LRMDA: variants seen among roughly 807,000 people sequenced by gnomAD.
LRMDA encodes leucine rich melanocyte differentiation associated.
LRMDA carries 18 observed loss-of-function variants against 29.8 expected under a neutral mutation model. That is an observed-to-expected ratio of 0.60 (90% CI 0.42 to 0.90). The LOEUF (loss-of-function observed/expected upper bound fraction) is 0.90, where lower values mean the gene tolerates loss of function less well. Ranked by LOEUF, LRMDA falls within the 40% of genes least tolerant of loss-of-function variation. The pLI is 0.00. For synonymous variants in LRMDA, 125 were observed against 109.4 expected (o/e 1.14, Z -0.89); for missense variants, 273 against 273.9 (o/e 1.00, Z 0.02).
chr10:76,446,713 C>G (rs1452913068), intron 6 of LRMDA, among the ~76,000 whole-genome samples: 1 of 152,088 alleles, frequency 6.6e-6, no homozygotes, highest in Non-Finnish European at 1.5e-5. Context: ...CTCACAGATC[C>G]AGGTTTTCAT....
intron 5 of LRMDA, among the ~76,000 whole-genome samples, chr10:76,288,933 A>G (rs1840305664): frequency 2.6e-5 from 4 of 152,226 alleles, no homozygotes. Context: ...TTATGTTACA[A>G]GAACAGTTTC....
chr10:75,583,394 C>T (rs1384054628), intron 2 of LRMDA, among the ~76,000 whole-genome samples: 2 of 152,130 alleles, frequency 1.3e-5, no homozygotes, highest in South Asian at 2.1e-4. Flanking sequence ...TAGTGCAAGG[C>T]AAAGGAGGAG....
intron 6 of LRMDA, among the ~76,000 whole-genome samples, chr10:76,487,610 ACT>A (rs1041355800): frequency 6.6e-6 from 1 of 151,596 alleles, no homozygotes; most frequent in African/African-American, 2.4e-5. Context: ...GGTTTTTGAG[ACT>A]CTGTTTAAGG....
chr10:75,773,558 G>A (rs188230553), intron 2 of LRMDA, among the ~76,000 whole-genome samples: 27 of 152,328 alleles, frequency 1.8e-4, no homozygotes, highest in African/African-American at 6.0e-4. Context: ...GAGGGAGACA[G>A]ATGAATGATG....
At chr10:75,446,465 C>G (rs1207684539) in intron 2 of LRMDA, among the ~76,000 whole-genome samples, 1 of 152,222 alleles carries the variant, frequency 6.6e-6, no homozygotes, top group Non-Finnish European at 1.5e-5. Context: ...GATTTCATCT[C>G]CTTCCACACA....
chr10:75,480,434 G>A (rs1418142184), intron 2 of LRMDA, among the ~76,000 whole-genome samples: 1 of 151,266 alleles, frequency 6.6e-6, no homozygotes, highest in Non-Finnish European at 1.5e-5. Context: ...GGAAACAGCA[G>A]TGAAAAAGCA....
intron 2 of LRMDA, among the ~76,000 whole-genome samples, chr10:75,790,016 T>C (rs1843538636): frequency 6.6e-6 from 1 of 151,592 alleles, no homozygotes; most frequent in African/African-American, 2.4e-5. Context: ...TTTGAGCAGG[T>C]AGATTTTCAG....
At chr10:75,760,276 T>C (rs1222337366) in intron 2 of LRMDA, among the ~76,000 whole-genome samples, 2 of 152,166 alleles carry the variant, frequency 1.3e-5, no homozygotes, top group African/African-American at 4.8e-5. Flanking sequence ...CCCATTAATA[T>C]AGTTCAAGTC....
intron 2 of LRMDA, among the ~76,000 whole-genome samples, chr10:75,886,506 T>C (rs982931789): frequency 1.3e-5 from 2 of 152,208 alleles, no homozygotes; most frequent in African/African-American, 4.8e-5. Flanking sequence ...TGATCTTGTT[T>C]GTCATGTAAA....
chr10:75,921,031 G>A (rs982358857), intron 2 of LRMDA, among the ~76,000 whole-genome samples: 39 of 152,126 alleles, frequency 2.6e-4, no homozygotes, highest in African/African-American at 9.2e-4. Context: ...TAATAATGTA[G>A]GGAGAAACAA....
At chr10:76,229,905 T>G (rs1214872731) in intron 5 of LRMDA, among the ~76,000 whole-genome samples, 1 of 152,126 alleles carries the variant, frequency 6.6e-6, no homozygotes, top group African/African-American at 2.4e-5. Context: ...CTTAAGCCCA[T>G]TCACCCAACT....
At chr10:75,946,277 A>G (rs976049037) in intron 2 of LRMDA, among the ~76,000 whole-genome samples, 10 of 152,160 alleles carry the variant, frequency 6.6e-5, no homozygotes, top group African/African-American at 2.2e-4. Flanking sequence ...AAGGTTACCA[A>G]TTCTCCGCTG....
In LRMDA at chr10:76,081,118, C is replaced by T. The variant is rs116287041; in HGVS notation, c.516+22335C>T. On this transcript the variant is annotated intron_variant, in intron 5 of 6. Coordinates refer to ENST00000611255, the MANE Select transcript of LRMDA (RefSeq NM_001305581.2). ...CCTTTATGTTTCCCAGTGCATTCAG[C>T]ATCAGATTTTGTATTGGCTTCTAGT... Among the ~76,000 whole-genome samples the T allele has an allele frequency of 9.2e-3, 1,395 of 152,322 alleles. 16 individuals carry two copies. The highest frequency in any genetic ancestry group is 0.031 in the African/African-American group (1,286 of 41,566).
At chr10:75,872,335 G>A (rs1345230628) in intron 2 of LRMDA, among the ~76,000 whole-genome samples, 8 of 150,406 alleles carry the variant, frequency 5.3e-5, no homozygotes, top group Admixed American at 3.3e-4. Flanking sequence ...ATGGAATCTC[G>A]CTCTGTAGCC....
intron 2 of LRMDA, among the ~76,000 whole-genome samples, chr10:75,469,202 A>AG (rs1844696390): frequency 6.6e-6 from 1 of 152,010 alleles, no homozygotes; most frequent in Non-Finnish European, 1.5e-5. Flanking sequence ...AGGAAAAAAA[A>AG]AGAGAGAGAT....
intron 2 of LRMDA, among the ~76,000 whole-genome samples, chr10:76,016,278 A>T (rs1157263108): frequency 3.9e-5 from 6 of 152,146 alleles, no homozygotes; most frequent in Admixed American, 3.9e-4. Flanking sequence ...AATAGCTTTA[A>T]AAGGGTAAAA....
intron 3 of LRMDA, among the ~76,000 whole-genome samples, chr10:76,037,912 G>A (rs1016007749): frequency 6.6e-6 from 1 of 152,178 alleles, no homozygotes; most frequent in Admixed American, 6.5e-5. Context: ...TAGAAGGGGA[G>A]GGCCTACATG....
chr10:76,145,792 C>A (rs1331204719), intron 5 of LRMDA, among the ~76,000 whole-genome samples: 3 of 151,808 alleles, frequency 2.0e-5, no homozygotes, highest in Admixed American at 6.6e-5. Context: ...TAGGGTGTCA[C>A]TTTTAGATCT....
chr10:76,420,338 TC>T (rs893909736), intron 6 of LRMDA, among the ~76,000 whole-genome samples: 4 of 151,990 alleles, frequency 2.6e-5, no homozygotes, highest in African/African-American at 4.8e-5. Flanking sequence ...ATAAAATTGT[TC>T]CTAGTATCCT....
Sources: allele counts gnomAD v4.1 joint callset (sites outside exome capture counted in the v4.1 genomes callset), GRCh38; gene constraint gnomAD v4.1.1; transcripts MANE v1.5; gene names NCBI Gene and HGNC (gene_info 2026-07-23, HGNC 2026-07-21).